The following BBX variants were observed in gnomAD, a reference collection of about 807,000 sequenced individuals.
The protein encoded by BBX is HMG box transcription factor BBX.
Under a neutral mutation model 100.2 loss-of-function variants are expected in BBX, and 30 were observed. The observed-to-expected ratio is 0.30, with a 90% CI of 0.22 to 0.41. BBX has a LOEUF of 0.41. Among genes scored for constraint, BBX ranks in the 10% least tolerant of loss-of-function variants. The pLI is 1.00. For missense variants in BBX, 1,023 were observed against 1,129.8 expected (o/e 0.91, Z 1.35); for synonymous variants, 376 against 388.1 (o/e 0.97, Z 0.37).
At chr3:107,796,302 T>G (rs1472928756) in intron 15 of BBX, among the ~76,000 whole-genome samples, 1 of 152,226 alleles carries the variant, frequency 6.6e-6, no homozygotes, top group Non-Finnish European at 1.5e-5. Context: ...CCTTGGTTCT[T>G]CTTTCCGCAG....
chr3:107,645,737 A>C (rs932709827), intron 2 of BBX, 99 bp from the exon 3 acceptor site: 5 of 152,532 alleles, frequency 3.3e-5, no homozygotes, highest in Non-Finnish European at 5.9e-5. Context: ...AATTCATTTT[A>C]TTTGGAGATT....
At chr3:107,630,758 G>A (rs1251748795) in intron 2 of BBX, among the ~76,000 whole-genome samples, 7 of 152,152 alleles carry the variant, frequency 4.6e-5, no homozygotes, top group Non-Finnish European at 8.8e-5. Context: ...ATGTGCTGTC[G>A]GGATGGGGTA....
chr3:107,739,793 A>G (rs867548323), intron 7 of BBX, among the ~76,000 whole-genome samples: 21 of 152,298 alleles, frequency 1.4e-4, no homozygotes, highest in African/African-American at 4.8e-4. Flanking sequence ...CTCACAGTTT[A>G]CTGTGAAGAA....
At chr3:107,676,902 C>G (rs1036771091) in intron 3 of BBX, among the ~76,000 whole-genome samples, 2 of 152,030 alleles carry the variant, frequency 1.3e-5, no homozygotes, top group Non-Finnish European at 1.5e-5. Context: ...ATAAAAACAT[C>G]CACTAGATGG....
chr3:107,650,973 G>GC (rs1179018021), intron 3 of BBX, among the ~76,000 whole-genome samples: 1 of 152,118 alleles, frequency 6.6e-6, no homozygotes, highest in Non-Finnish European at 1.5e-5. Flanking sequence ...TCCTTACATG[G>GC]CCTTTCCTCT....
At chr3:107,731,731 G>C (rs1210839369) in intron 6 of BBX, among the ~76,000 whole-genome samples, 1 of 150,338 alleles carries the variant, frequency 6.7e-6, no homozygotes, top group Non-Finnish European at 1.5e-5. Context: ...TAAAACTGTC[G>C]ATAACATATA....
intron 2 of BBX, among the ~76,000 whole-genome samples, chr3:107,601,499 T>G (rs1425399155): frequency 6.6e-6 from 1 of 152,112 alleles, no homozygotes; most frequent in African/African-American, 2.4e-5. Flanking sequence ...CAAAACAACT[T>G]TGTTGTTGAT....
intron 2 of BBX, among the ~76,000 whole-genome samples, chr3:107,586,038 G>C (rs2052810512): frequency 6.6e-6 from 1 of 151,972 alleles, no homozygotes; most frequent in African/African-American, 2.4e-5. Flanking sequence ...TCATATAACT[G>C]TATTGTTAAA....
At chr3:107,669,902 C>T (rs2058935538) in intron 3 of BBX, among the ~76,000 whole-genome samples, 1 of 152,146 alleles carries the variant, frequency 6.6e-6, no homozygotes, top group African/African-American at 2.4e-5. Flanking sequence ...CCTTTTAACA[C>T]CCCTGCTCTG....
At chr3:107,776,501 G>A (rs530097303) in intron 12 of BBX, among the ~76,000 whole-genome samples, 43 of 152,104 alleles carry the variant, frequency 2.8e-4, no homozygotes, top group Admixed American at 6.6e-4. Context: ...GTCAGGATTC[G>A]AGTATTTGGG....
chr3:107,557,777 G>C (rs909714769), intron 2 of BBX, among the ~76,000 whole-genome samples: 1 of 152,202 alleles, frequency 6.6e-6, no homozygotes, highest in Non-Finnish European at 1.5e-5. Context: ...ATGTAGTACA[G>C]TGCATACCTT....
At chr3:107,570,567 C>T (rs534189053) in intron 2 of BBX, among the ~76,000 whole-genome samples, 14 of 152,232 alleles carry the variant, frequency 9.2e-5, no homozygotes, top group African/African-American at 2.4e-4. Context: ...CAGCTCCAGC[C>T]ACCTCTTTAA....
At chr3:107,658,979 C>G (rs2058297029) in intron 3 of BBX, among the ~76,000 whole-genome samples, 2 of 152,152 alleles carry the variant, frequency 1.3e-5, no homozygotes, top group East Asian at 1.9e-4. Flanking sequence ...ATGGCAACTA[C>G]TGACCCCAGT....
chr3:107,596,050 C>T (rs1031316214), intron 2 of BBX, among the ~76,000 whole-genome samples: 2 of 152,098 alleles, frequency 1.3e-5, no homozygotes, highest in Non-Finnish European at 2.9e-5. Flanking sequence ...TCGCAAATCT[C>T]CAAATAGTTT....
At chr3:107,778,780 T>C (rs1440891909) in intron 13 of BBX, among the ~76,000 whole-genome samples, 1 of 151,956 alleles carries the variant, frequency 6.6e-6, no homozygotes, top group Non-Finnish European at 1.5e-5. Context: ...CACATGGTCT[T>C]CAACCTCCTG....
At chr3:107,746,844 A>G (rs1293004508) in intron 8 of BBX, among the ~76,000 whole-genome samples, 2 of 152,072 alleles carry the variant, frequency 1.3e-5, no homozygotes, top group Admixed American at 6.6e-5. Context: ...TAAAACGAAA[A>G]AGCAGTTTTT....
intron 2 of BBX, among the ~76,000 whole-genome samples, chr3:107,540,315 T>C (rs1331806216): frequency 6.6e-6 from 1 of 152,230 alleles, no homozygotes; most frequent in Non-Finnish European, 1.5e-5. Flanking sequence ...GGTAACCTCA[T>C]ATCTTAAAGC....
At position 107,786,941 on chromosome 3, in the gene BBX, G is replaced by T. The variant is rs563253036; in HGVS notation, c.2204-2846G>T. ...CTGTATAAGGAATGTTTACAACTTGGCAGTAAAAGACAGCTCATAAAAACG... is the reference window on the plus strand; with the variant it reads ...CTGTATAAGGAATGTTTACAACTTGTCAGTAAAAGACAGCTCATAAAAACG... On this transcript the variant is annotated intron_variant, in intron 13 of 17. Coordinates refer to ENST00000325805, the MANE Select transcript of BBX (RefSeq NM_001142568.3). Among the ~76,000 whole-genome samples the T allele has an allele frequency of 2.0e-5, 3 of 152,232 alleles. No homozygotes were observed. In the East Asian group the frequency reaches 5.8e-4, roughly 29 times the overall value.
At chr3:107,747,928 T>C in intron 8 of BBX, 37 bp from the exon 9 acceptor site, 1 of 1,538,250 alleles carries the variant, frequency 6.5e-7, no homozygotes, top group Non-Finnish European at 9.0e-7. Flanking sequence ...TGTGGAAAAA[T>C]GTCATTGTAT....
Sources: allele counts gnomAD v4.1 joint callset (sites outside exome capture counted in the v4.1 genomes callset), GRCh38; gene constraint gnomAD v4.1.1; transcripts MANE v1.5; gene names NCBI Gene and HGNC (gene_info 2026-07-23, HGNC 2026-07-21).